Variants in CNTNAP5 observed in about 807,000 individuals in gnomAD.
CNTNAP5 encodes contactin-associated protein-like 5.
A neutral mutation model predicts 150.2 loss-of-function variants in CNTNAP5; 72 were observed. The observed-to-expected ratio is 0.48, with a 90% CI of 0.40 to 0.58. The LOEUF (loss-of-function observed/expected upper bound fraction) is 0.58, where lower values mean the gene tolerates loss of function less well. CNTNAP5 is among the 20% of genes least tolerant of loss of function. The probability of loss-of-function intolerance (pLI) is 0.00; values close to 1 mark genes in which losing one functional copy is unlikely to be tolerated. For missense variants in CNTNAP5, 1,636 were observed against 1,626.2 expected (o/e 1.01, Z -0.10); for synonymous variants, 672 against 619.8 (o/e 1.08, Z -1.25).
At chr2:124,715,501 G>A (rs1167856738) in intron 13 of CNTNAP5, among the ~76,000 whole-genome samples, 3 of 152,034 alleles carry the variant, frequency 2.0e-5, no homozygotes, top group Non-Finnish European at 4.4e-5. Flanking sequence ...AAAGAAAAAA[G>A]GAGGGTGGAA....
chr2:124,415,818 A>G (rs1691903789), intron 3 of CNTNAP5, among the ~76,000 whole-genome samples: 1 of 152,190 alleles, frequency 6.6e-6, no homozygotes. Context: ...TTTACTTTAA[A>G]TTGGTTATAA....
intron 20 of CNTNAP5, among the ~76,000 whole-genome samples, chr2:124,869,305 T>C (rs573792799): frequency 1.3e-4 from 20 of 152,204 alleles, no homozygotes; most frequent in Admixed American, 1.2e-3. Context: ...GGAAAATGAG[T>C]TCCTGCTTCC....
At chr2:124,120,911 G>A (rs1683544485) in intron 1 of CNTNAP5, among the ~76,000 whole-genome samples, 1 of 152,122 alleles carries the variant, frequency 6.6e-6, no homozygotes, top group African/African-American at 2.4e-5. Context: ...AGTTGAGGAA[G>A]GCATGTGAGG....
intron 7 of CNTNAP5, among the ~76,000 whole-genome samples, chr2:124,485,557 G>A (rs1693852796): frequency 1.4e-5 from 2 of 142,912 alleles, no homozygotes; most frequent in South Asian, 4.6e-4. Flanking sequence ...AGCTTGCAGT[G>A]AGCCGAGATC....
chr2:124,642,116 G>T (rs988181523), intron 12 of CNTNAP5, among the ~76,000 whole-genome samples: 1 of 152,166 alleles, frequency 6.6e-6, no homozygotes, highest in East Asian at 1.9e-4. Context: ...GAGGAACAAG[G>T]TAGGTCACAC....
intron 3 of CNTNAP5, among the ~76,000 whole-genome samples, chr2:124,408,627 C>T (rs1388841641): frequency 6.6e-6 from 1 of 151,778 alleles, no homozygotes; most frequent in Non-Finnish European, 1.5e-5. Context: ...GGGGGGCACA[C>T]TGACACCTCA....
intron 3 of CNTNAP5, among the ~76,000 whole-genome samples, chr2:124,289,133 T>A (rs1688223455): frequency 6.6e-6 from 1 of 152,206 alleles, no homozygotes. Flanking sequence ...AGTATTGACA[T>A]TTTCTCTGTT....
chr2:124,045,465 T>G (rs975329987), intron 1 of CNTNAP5, among the ~76,000 whole-genome samples: 21 of 151,464 alleles, frequency 1.4e-4, no homozygotes, highest in African/African-American at 4.6e-4. Context: ...GCCTGGCAAA[T>G]TTTTATATTT....
At chr2:124,633,578 T>C (rs1302043541) in intron 12 of CNTNAP5, among the ~76,000 whole-genome samples, 1 of 152,156 alleles carries the variant, frequency 6.6e-6, no homozygotes, top group Non-Finnish European at 1.5e-5. Context: ...TTAGTGGATC[T>C]ACTATTTGGG....
At chr2:124,358,983 C>T (rs1690110065) in intron 3 of CNTNAP5, among the ~76,000 whole-genome samples, 1 of 149,932 alleles carries the variant, frequency 6.7e-6, no homozygotes, top group Admixed American at 6.6e-5. Context: ...AATTTCAGCT[C>T]CTGTTATTGG....
chr2:124,271,893 T>G (rs1464254569), intron 3 of CNTNAP5, among the ~76,000 whole-genome samples: 1 of 152,084 alleles, frequency 6.6e-6, no homozygotes, highest in African/African-American at 2.4e-5. Context: ...TTTTGTGTTT[T>G]TAGTAGAGAT....
chr2:124,054,249 C>G (rs1430005794), intron 1 of CNTNAP5, among the ~76,000 whole-genome samples: 1 of 152,010 alleles, frequency 6.6e-6, no homozygotes, highest in East Asian at 1.9e-4. Flanking sequence ...GGTTGGTTGT[C>G]TTTTTAAACT....
At chr2:124,664,598 T>C (rs1030778154) in intron 13 of CNTNAP5, among the ~76,000 whole-genome samples, 2 of 152,202 alleles carry the variant, frequency 1.3e-5, no homozygotes, top group African/African-American at 4.8e-5. Flanking sequence ...TCAAACCTGC[T>C]GCAGTCTGGG....
intron 3 of CNTNAP5, among the ~76,000 whole-genome samples, chr2:124,382,273 G>T (rs1016220345): frequency 6.6e-6 from 1 of 152,110 alleles, no homozygotes; most frequent in African/African-American, 2.4e-5. Context: ...CACAGAGAGA[G>T]GTGGCTTTGT....
chr2:124,592,781 A>G (rs1173736092), intron 11 of CNTNAP5, among the ~76,000 whole-genome samples: 1 of 152,032 alleles, frequency 6.6e-6, no homozygotes, highest in East Asian at 1.9e-4. Context: ...CACTCATATC[A>G]TCAGCATATA....
intron 5 of CNTNAP5, among the ~76,000 whole-genome samples, chr2:124,444,468 G>A (rs759655199): frequency 7.9e-5 from 12 of 151,938 alleles, no homozygotes; most frequent in African/African-American, 1.7e-4. Flanking sequence ...GGTGGCCTGC[G>A]CCTGTAATCC....
chr2:124,166,791 C>T (rs7579069), intron 1 of CNTNAP5, among the ~76,000 whole-genome samples: 147,438 of 152,208 alleles, frequency 0.97, 71,587 homozygotes, highest in East Asian at 1. Context: ...ATGTCATTGG[C>T]AGAGATTAGG....
chr2:124,415,032 G>A (rs1691882081), intron 3 of CNTNAP5, among the ~76,000 whole-genome samples: 1 of 152,126 alleles, frequency 6.6e-6, no homozygotes, highest in Non-Finnish European at 1.5e-5. Flanking sequence ...AAAGTGGTAT[G>A]GACGCAAGGA....
chr2:124,350,957 A>G (rs949127575), intron 3 of CNTNAP5, among the ~76,000 whole-genome samples: 1 of 149,428 alleles, frequency 6.7e-6, no homozygotes, highest in African/African-American at 2.5e-5. Flanking sequence ...CCTGCACATC[A>G]TTAGAAATGT....
Sources: allele counts gnomAD v4.1 joint callset (sites outside exome capture counted in the v4.1 genomes callset), GRCh38; gene constraint gnomAD v4.1.1; transcripts MANE v1.5; gene names NCBI Gene and HGNC (gene_info 2026-07-23, HGNC 2026-07-21).